RNF40: variants seen among roughly 807,000 people sequenced by gnomAD.
The protein encoded by RNF40 is ring finger protein 40, also known as E3 ubiquitin-protein ligase BRE1B.
Under a neutral mutation model 123.3 loss-of-function variants are expected in RNF40, and 39 were observed. That is an observed-to-expected ratio of 0.32 (90% CI 0.24 to 0.41). RNF40 has a LOEUF of 0.41. Among genes scored for constraint, RNF40 ranks in the 10% least tolerant of loss-of-function variants. The pLI is 1.00. For synonymous variants in RNF40, 538 were observed against 526.0 expected, an observed-to-expected ratio of 1.02 and a Z score of -0.31; for missense variants, 1,003 against 1,319.9, an observed-to-expected ratio of 0.76 and a Z score of 3.72.
upstream of RNF40, chr16:30,762,286 GGCAGTGGCGTC>G: frequency 2.1e-6 from 1 of 477,456 alleles, no homozygotes; most frequent in Non-Finnish European, 3.7e-6. Flanking sequence ...TTGGGGGGGG[GGCAGTGGCGTC>G]CAGTGACGCC....
Position 30,772,140 on chromosome 16 carries a change from G to A in RNF40, c.2779G>A (p.Val927Ile). Residue 927 changes from valine (V) to isoleucine (I), a missense_variant, in exon 19 of 20, where the codon GTC becomes ATC. Val to Ile is a conservative substitution (Grantham distance 29). This residue lies in a region of RNF40 where 76 missense variants were observed against 134.1 expected (regional missense o/e 0.57). Transcript: ENST00000324685. ...GCTGGAAAAGCAGAGGAAGGTGGAG[G>A]TCTACGCAGATGCCGACGAAATCCT... The part of the protein sequence containing the change: ...RKLEKQRKVE[V>I]YADADEILQE... The A allele has an allele frequency of 1.3e-6, 2 of 1,554,920 alleles. No individual in the cohort carries two copies. Among genetic ancestry groups the A allele is most frequent in the South Asian group, 2.4e-5 (2 of 84,402 alleles).
chr16:30,767,777 C>T (rs1596752898), intron 11 of RNF40, 117 bp from the exon 12 acceptor site: 10 of 1,386,874 alleles, frequency 7.2e-6, no homozygotes, highest in South Asian at 4.8e-5. Flanking sequence ...CCGTTGAGGC[C>T]GCAATGTTCC....
rs1365481676 is a variant in RNF40, at chr16:30,768,236, A to G, written c.1685A>G (p.Lys562Arg). The G allele has an allele frequency of 1.2e-6, 2 of 1,613,778 alleles. No homozygotes were observed. The highest frequency in any genetic ancestry group is 2.7e-5 in the African/African-American group (2 of 74,922). The stretch of plus-strand genomic sequence containing the variant: ...CCTGTCAGTACCCCCGACAACAGAA[A>G]GGAGATGGCTCCAGTGCCTGGCACC... ...PGPVSTPDNR[K>R]EMAPVPGTTT... The change falls in exon 13 of 20, where the codon AAG becomes AGG. Residue 562 changes from lysine (K) to arginine (R), a missense_variant. Transcript: ENST00000324685. This position sits in a 1 kb window ranked among gnomAD's most constrained non-coding sequence, Gnocchi z 4.1.
Position 30,769,496 on chromosome 16 carries a change from G to C in RNF40, c.2482G>C (p.Val828Leu). The C allele has an allele frequency of 1.2e-6, 2 of 1,613,934 alleles. No homozygotes were observed. The highest frequency in any genetic ancestry group is 2.2e-5 in the South Asian group (2 of 91,068). Reference protein sequence around the residue: ...KSQVDAQLLTVQKLEEKERAL... With the variant: ...KSQVDAQLLTLQKLEEKERAL... ...TTAGGTGGATGCCCAGCTGCTGACT[G>C]TGCAGAAGCTAGAGGAGAAGGAGCG... The change falls in exon 17 of 20, where the codon GTG becomes CTG. Residue 828 changes from valine to leucine, a missense_variant. Coordinates refer to ENST00000324685, the MANE Select transcript of RNF40 (RefSeq NM_014771.4).
At position 30,775,072 on chromosome 16, in the gene RNF40, C is replaced by G. The variant is rs557532416; in HGVS notation, c.*958C>G. On this transcript the variant is annotated 3_prime_UTR_variant, in exon 20 of 20. Transcript: ENST00000324685. ...TGCTCCATCGGCTGTGAGGGCAGTG[C>G]CCGGAGAGGCCAGAGGGTTGGAGCT... is the stretch of plus-strand genomic sequence containing the variant. 2.9e-4 allele frequency: 132 copies of G among 456,146 alleles called. No individual in the cohort carries two copies. Among genetic ancestry groups the G allele is most frequent in the Middle Eastern group, 1.6e-3 (5 of 3,052 alleles). 28.3% of individuals were successfully genotyped at this position (456,146 alleles called of 1,614,324 possible). A position where few individuals can be genotyped will look rare whatever the true frequency, so the allele number is the denominator to read the frequency against.
At position 30,768,880 on chromosome 16, in the gene RNF40, G is replaced by A; in HGVS notation, c.2140G>A (p.Asp714Asn). Reference sequence around the variant, plus strand: ...CCGCATCCGGGAATTGGAGGAGAGGGATCGAAGGGAGAGCAAGAAGATCGC... The same window carrying A: ...CCGCATCCGGGAATTGGAGGAGAGGAATCGAAGGGAGAGCAAGAAGATCGC... ...RSRIRELEER[D>N]RRESKKIADE... is the part of the protein sequence containing the mutation. Residue 714 changes from aspartate (D) to asparagine (N), a missense_variant, in exon 15 of 20, where the codon GAT becomes AAT. By Grantham distance (23) the Asp-to-Asn change is conservative. This residue lies in a region of RNF40 where 295 missense variants were observed against 331.7 expected (regional missense o/e 0.89). Coordinates refer to ENST00000324685, the MANE Select transcript of RNF40 (RefSeq NM_014771.4). This position sits in a 1 kb window ranked among gnomAD's most constrained non-coding sequence, Gnocchi z 4.1. The A allele has an allele frequency of 6.2e-7, 1 of 1,614,238 alleles. No individual in the cohort carries two copies. The highest frequency in any genetic ancestry group is 8.5e-7 in the Non-Finnish European group (1 of 1,180,042).
chr16:30,765,621 C>G (rs1041414432), intron 8 of RNF40, 122 bp downstream of exon 8: 2 of 841,730 alleles, frequency 2.4e-6, no homozygotes, highest in South Asian at 1.6e-5. Context: ...TCCTGCTGCT[C>G]TTTTTTTCAT....
chr16:30,761,777 C>A (rs1488381460), upstream of RNF40: 2 of 1,497,974 alleles, frequency 1.3e-6, no homozygotes, highest in Non-Finnish European at 1.8e-6. Context: ...CGCGAGGCGC[C>A]CCGGGCTCCC....
At position 30,774,926 on chromosome 16, in the gene RNF40, C is replaced by T; in HGVS notation, c.*812C>T. ...CTTAACTACAGTGGAGGTGGAACTT[C>T]CCAGGAGGGGAAGGGACAGACCAGC... On this transcript the variant is annotated 3_prime_UTR_variant, in exon 20 of 20. Transcript: ENST00000324685. The T allele has an allele frequency of 2.2e-6, 1 of 456,306 alleles. No homozygotes were observed. Among genetic ancestry groups the T allele is most frequent in the Non-Finnish European group, 4.4e-6 (1 of 226,688 alleles). The allele number at this position is 456,306 out of a possible 1,614,324, so 28.3% of individuals were successfully genotyped here.
At chr16:30,763,727 C>T (rs529725905) in intron 4 of RNF40, among the ~76,000 whole-genome samples, 168 bp downstream of exon 4, 1 of 152,234 alleles carries the variant, frequency 6.6e-6, no homozygotes, top group African/African-American at 2.4e-5. Context: ...GCTTTAGACT[C>T]TGACTAACTT....
chr16:30,766,972 CTT>C lies in RNF40; in HGVS notation c.1429+103_1429+104del. 1 of 1,453,740 alleles carries C rather than the reference CTT, an allele frequency of 6.9e-7. No homozygotes were observed. Among genetic ancestry groups the C allele is most frequent in the Non-Finnish European group, 9.2e-7 (1 of 1,083,864 alleles). 90.1% of individuals were successfully genotyped at this position (1,453,740 alleles called of 1,614,324 possible). The stretch of plus-strand genomic sequence containing the variant: ...TTATCCAGATGCAAGAGGCTAAGGC[CTT>C]TTTTTTCACAGAGCCTCGGCTTCCT... On this transcript the variant is annotated intron_variant, in intron 11 of 19. Coordinates refer to ENST00000324685, the MANE Select transcript of RNF40 (RefSeq NM_014771.4). The surrounding 1 kb of genome is among the most constrained non-coding windows in gnomAD (Gnocchi z 5.4).
Position 30,765,017 on chromosome 16 carries a change from G to A in RNF40, c.729G>A (p.Leu243=), listed in dbSNP as rs780692454. 1 of 1,613,902 alleles carries A rather than the reference G, an allele frequency of 6.2e-7. No individual in the cohort carries two copies. The highest frequency in any genetic ancestry group is 1.3e-5 in the African/African-American group (1 of 74,918). ...GTGAGAACCGGCGACTGCAGGACTT[G>A]GCCACTCAGCTGCAGGAGAAACACC... ...LGRENRRLQD[L]ATQLQEKHHR... The change falls in exon 6 of 20, where the codon TTG becomes TTA. Residue 243 remains leucine, a synonymous_variant. Coordinates refer to ENST00000324685, the MANE Select transcript of RNF40 (RefSeq NM_014771.4).
intron 11 of RNF40, among the ~76,000 whole-genome samples, chr16:30,767,173 C>T (rs1440207259): frequency 1.3e-5 from 2 of 152,190 alleles, no homozygotes; most frequent in Admixed American, 6.5e-5. Context: ...TTATCAAATG[C>T]CACCTCTGAG....
Position 30,769,316 on chromosome 16 carries a change from G to A in RNF40, c.2378G>A (p.Arg793Gln). The A allele has an allele frequency of 6.2e-7, 1 of 1,614,234 alleles. No homozygotes were observed. Among genetic ancestry groups the A allele is most frequent in the Non-Finnish European group, 8.5e-7 (1 of 1,180,040 alleles). The stretch of plus-strand genomic sequence containing the variant: ...GCCAACTTTAAGCTAATGTCAGAGC[G>A]GATCAAGGCCAACCAGATTCACAAG... ...DDANFKLMSE[R>Q]IKANQIHKLL... Residue 793 changes from arginine (R) to glutamine (Q), a missense_variant, in exon 16 of 20, where the codon CGG (arginine) becomes CAG (glutamine). Transcript: ENST00000324685.
chr16:30,771,710 G>T (rs2054151052), intron 17 of RNF40, 123 bp from the exon 18 acceptor site: 1 of 1,081,158 alleles, frequency 9.2e-7, no homozygotes, highest in African/African-American at 1.6e-5. Flanking sequence ...GGCTCAGGAG[G>T]CAGGAGCAGC....
rs1453908504 is a variant in RNF40 at position 30,766,441 on chromosome 16, G to A, written c.1176G>A (p.Gln392=). 1.9e-6 allele frequency: 3 copies of A among 1,614,026 alleles called. No individual in the cohort carries two copies. Among genetic ancestry groups the A allele is most frequent in the Non-Finnish European group, 2.5e-6 (3 of 1,180,018 alleles). ...VRETGEYRML[Q]AQFSLLYNES... ...AGACGGGGGAGTACCGCATGCTGCA[G>A]GCCCAATTCTCACTGCTCTACAACG... is the stretch of plus-strand genomic sequence containing the variant. Residue 392 remains glutamine (Q), a synonymous_variant, in exon 10 of 20, where the codon CAG becomes CAA. Coordinates refer to ENST00000324685, the MANE Select transcript of RNF40 (RefSeq NM_014771.4). This position sits in a 1 kb window ranked among gnomAD's most constrained non-coding sequence, Gnocchi z 5.4.
At position 30,775,355 on chromosome 16, in the gene RNF40, G is replaced by A; in HGVS notation, c.*1241G>A. 3.5e-6 allele frequency: 1 copy of A among 287,020 alleles called. No homozygotes were observed. The allele number at this position is 287,020 out of a possible 1,614,324, so 17.8% of individuals were successfully genotyped here. ...GGGAGAGCGTGGTGGTCGTCGCGGA[G>A]CCGCCTGTCCTGCTCCCACCGACCC... is the stretch of plus-strand genomic sequence containing the variant. On this transcript the variant is annotated 3_prime_UTR_variant, in exon 20 of 20. Transcript: ENST00000324685.
At chr16:30,767,813 A>G (rs1212730273) in intron 11 of RNF40, 81 bp from the exon 12 acceptor site, 12 of 1,585,072 alleles carry the variant, frequency 7.6e-6, no homozygotes, top group Non-Finnish European at 9.5e-6. Flanking sequence ...GAGTGATGGC[A>G]TAGCCTCTTA....
chr16:30,775,557 A>C lies in RNF40; in HGVS notation c.*1443A>C, dbSNP rs1567290876. 1 of 164,180 alleles carries C rather than the reference A, an allele frequency of 6.1e-6. No individual in the cohort carries two copies. The highest frequency in any genetic ancestry group is 1.3e-5 in the Non-Finnish European group (1 of 75,046). The allele number at this position is 164,180 out of a possible 1,614,324, so 10.2% of individuals were successfully genotyped here. On this transcript the variant is annotated 3_prime_UTR_variant, in exon 20 of 20. Transcript: ENST00000324685. ...AACTGGATCCTGCGGACCGCTTCTC[A>C]GCGGCTTCACCCCCACACCACTCGA...
Sources: gnomAD v4.1 joint callset for allele counts (sites outside exome capture counted in the v4.1 genomes callset) on GRCh38, gnomAD v4.1.1 for gene constraint, gnomAD v4.1.1 regional missense constraint, Gnocchi (gnomAD v3.1) non-coding constraint, MANE v1.5 for transcripts, NCBI Gene and HGNC (gene_info 2026-07-23, HGNC 2026-07-21) for gene names.